Variants in FIG4 observed in about 807,000 individuals in gnomAD.
FIG4 encodes FIG4 phosphoinositide 5-phosphatase.
A neutral mutation model predicts 118.6 loss-of-function variants in FIG4; 112 were observed. That is an observed-to-expected ratio of 0.94 (90% CI 0.81 to 1.11). FIG4 has a LOEUF of 1.11. Ranked by LOEUF, FIG4 falls within the 50% of genes least tolerant of loss-of-function variation. The pLI, the probability that FIG4 is intolerant of heterozygous loss-of-function variation, is 0.00. For missense variants in FIG4, 969 were observed against 1,111.7 expected (o/e 0.87, Z 1.83); for synonymous variants, 369 against 381.2 (o/e 0.97, Z 0.37).
chr6:109,693,361 A>C (rs1457908143), intron 1 of FIG4, among the ~76,000 whole-genome samples: 2 of 152,100 alleles, frequency 1.3e-5, no homozygotes, highest in Non-Finnish European at 2.9e-5. Context: ...TTTTCCTGTC[A>C]AAACCTTGCT....
chr6:109,789,302 A>G (rs192911934), intron 18 of FIG4, among the ~76,000 whole-genome samples: 29 of 152,334 alleles, frequency 1.9e-4, no homozygotes, highest in African/African-American at 6.5e-4. Flanking sequence ...GATCATAGAG[A>G]ATTCACAGTT....
chr6:109,760,674 A>G (rs779822339), intron 11 of FIG4, among the ~76,000 whole-genome samples: 2 of 152,180 alleles, frequency 1.3e-5, no homozygotes, highest in Non-Finnish European at 2.9e-5. Context: ...CTGTCTCACT[A>G]TTTAAACACT....
At chr6:109,710,314 C>T (rs1326436995) in intron 1 of FIG4, among the ~76,000 whole-genome samples, 2 of 152,172 alleles carry the variant, frequency 1.3e-5, no homozygotes, top group African/African-American at 2.4e-5. Flanking sequence ...CCTACTTGAT[C>T]GTAGTGGATA....
intron 2 of FIG4, among the ~76,000 whole-genome samples, chr6:109,715,586 A>G (rs1190818256): frequency 6.6e-6 from 1 of 152,192 alleles, no homozygotes; most frequent in Non-Finnish European, 1.5e-5. Context: ...CCTCCTAAAA[A>G]TCACCTCTAG....
chr6:109,739,133 A>G (rs1056208588), intron 7 of FIG4, among the ~76,000 whole-genome samples: 1 of 152,158 alleles, frequency 6.6e-6, no homozygotes, highest in Non-Finnish European at 1.5e-5. Flanking sequence ...ATGAAACTAG[A>G]ACAAGTAACA....
chr6:109,727,362 T>C, intron 4 of FIG4, 97 bp downstream of exon 4: 2 of 997,152 alleles, frequency 2.0e-6, no homozygotes, highest in Non-Finnish European at 3.2e-6. Flanking sequence ...GGTCATAGCT[T>C]GCTGTAGCCT....
chr6:109,799,321 A>G (rs4072342), intron 22 of FIG4, among the ~76,000 whole-genome samples: 92,891 of 152,126 alleles, frequency 0.61, 30,786 homozygotes, highest in African/African-American at 0.86. Context: ...TCAGCATTAC[A>G]TTGTCATGGC....
chr6:109,721,850 T>C (rs1171089732), intron 3 of FIG4, among the ~76,000 whole-genome samples: 1 of 152,218 alleles, frequency 6.6e-6, no homozygotes. Flanking sequence ...GTATGTTTAC[T>C]TTCCCTTATA....
At chr6:109,787,122 C>G (rs1452559477) in intron 18 of FIG4, among the ~76,000 whole-genome samples, 1 of 152,120 alleles carries the variant, frequency 6.6e-6, no homozygotes, top group African/African-American at 2.4e-5. Context: ...TTTCCATTCT[C>G]TCTCCATCCT....
chr6:109,794,988 C>T (rs561950641), intron 21 of FIG4, among the ~76,000 whole-genome samples: 1 of 151,766 alleles, frequency 6.6e-6, no homozygotes, highest in East Asian at 1.9e-4. Flanking sequence ...CTGAGCCCCG[C>T]TGTCTATGTC....
At chr6:109,771,578 C>G (rs1437185694) in intron 15 of FIG4, among the ~76,000 whole-genome samples, 21 of 150,700 alleles carry the variant, frequency 1.4e-4, no homozygotes, top group Non-Finnish European at 1.5e-5. Context: ...ATGCCATTCC[C>G]CTGCCTCAGC....
chr6:109,740,958 C>CCA (rs1776304991), intron 7 of FIG4, among the ~76,000 whole-genome samples: 1 of 152,028 alleles, frequency 6.6e-6, no homozygotes, highest in Non-Finnish European at 1.5e-5. Context: ...GGGGGAAGTG[C>CCA]CACACACTTG....
At chr6:109,767,602 G>C (rs1202945455) in intron 15 of FIG4, among the ~76,000 whole-genome samples, 1 of 152,198 alleles carries the variant, frequency 6.6e-6, no homozygotes, top group Non-Finnish European at 1.5e-5. Flanking sequence ...TGGGCGTGGT[G>C]GCTCATGCCT....
intron 1 of FIG4, among the ~76,000 whole-genome samples, chr6:109,694,887 TATC>T (rs1290931898): frequency 2.6e-5 from 4 of 152,210 alleles, no homozygotes; most frequent in African/African-American, 9.6e-5. Flanking sequence ...CACAGTGAGA[TATC>T]ATGTCACCTC....
chr6:109,808,826 C>T (rs554578635), intron 22 of FIG4, among the ~76,000 whole-genome samples: 4 of 152,092 alleles, frequency 2.6e-5, no homozygotes, highest in East Asian at 1.9e-4. Context: ...TATCTACCAC[C>T]GTGAACAATA....
At chr6:109,736,401 G>A (rs1418306367) in intron 6 of FIG4, among the ~76,000 whole-genome samples, 33 of 152,060 alleles carry the variant, frequency 2.2e-4, no homozygotes, top group Non-Finnish European at 4.4e-5. Context: ...TTGAGCTAAG[G>A]TCAAACCCAG....
At chr6:109,707,861 A>AT (rs1583633395) in intron 1 of FIG4, among the ~76,000 whole-genome samples, 1 of 151,866 alleles carries the variant, frequency 6.6e-6, no homozygotes. Context: ...AAATATCTTT[A>AT]TTTTTGCTAA....
intron 2 of FIG4, 37 bp from the exon 3 acceptor site, chr6:109,716,408 A>C: frequency 6.2e-7 from 1 of 1,609,962 alleles, no homozygotes; most frequent in Non-Finnish European, 8.5e-7. Flanking sequence ...TCTAAAGTTT[A>C]AGCACAACCT....
chr6:109,724,142 A>T (rs1183487202), intron 3 of FIG4, among the ~76,000 whole-genome samples: 1 of 152,024 alleles, frequency 6.6e-6, no homozygotes, highest in Non-Finnish European at 1.5e-5. Context: ...CGAACAAACG[A>T]ATCTGGAAAG....
Sources: gnomAD v4.1 joint callset for allele counts (sites outside exome capture counted in the v4.1 genomes callset) on GRCh38, gnomAD v4.1.1 for gene constraint, MANE v1.5 for transcripts, NCBI Gene and HGNC (gene_info 2026-07-23, HGNC 2026-07-21) for gene names.